AP3B1: variants seen among roughly 807,000 people sequenced by gnomAD.
AP3B1 encodes adaptor related protein complex 3 subunit beta 1, also known as AP-3 complex subunit beta-1.
AP3B1 carries 61 observed loss-of-function variants against 132.5 expected under a neutral mutation model. The ratio of observed to expected loss-of-function variants is 0.46; its 90% CI spans 0.37 to 0.57. The LOEUF (loss-of-function observed/expected upper bound fraction) is 0.57, where lower values mean the gene tolerates loss of function less well. Among genes scored for constraint, AP3B1 ranks in the 20% least tolerant of loss-of-function variants. The pLI, the probability that AP3B1 is intolerant of heterozygous loss-of-function variation, is 0.00. For missense variants in AP3B1, 1,120 were observed against 1,289.4 expected, an observed-to-expected ratio of 0.87 and a Z score of 2.01; for synonymous variants, 388 against 438.3, an observed-to-expected ratio of 0.89 and a Z score of 1.43.
intron 21 of AP3B1, among the ~76,000 whole-genome samples, chr5:78,090,323 A>G (rs538868295): frequency 4.6e-5 from 7 of 152,240 alleles, no homozygotes; most frequent in Non-Finnish European, 8.8e-5. Flanking sequence ...TTAAGTAATT[A>G]CATGTGGCTT....
At chr5:78,226,698 C>T (rs888190198) in intron 5 of AP3B1, among the ~76,000 whole-genome samples, 1 of 152,022 alleles carries the variant, frequency 6.6e-6, no homozygotes, top group African/African-American at 2.4e-5. Context: ...GTGAATACAA[C>T]ACCAGAAACA....
At chr5:78,034,005 T>C (rs1747693183) in intron 24 of AP3B1, among the ~76,000 whole-genome samples, 1 of 151,968 alleles carries the variant, frequency 6.6e-6, no homozygotes, top group Non-Finnish European at 1.5e-5. Flanking sequence ...TTTAATAATA[T>C]TATTAATGCT....
At chr5:78,031,217 G>A (rs1046837011) in intron 24 of AP3B1, among the ~76,000 whole-genome samples, 1 of 152,062 alleles carries the variant, frequency 6.6e-6, no homozygotes, top group Non-Finnish European at 1.5e-5. Flanking sequence ...TCATTACTAT[G>A]GGTCTCCTCT....
At position 78,162,853 on chromosome 5, in the gene AP3B1, G is replaced by A. The variant is rs1743442889; in HGVS notation, c.1329C>T (p.Leu443=). 2 of 1,614,056 alleles carry A rather than the reference G, an allele frequency of 1.2e-6. No homozygotes were observed. Among genetic ancestry groups the A allele is most frequent in the African/African-American group, 1.3e-5 (1 of 75,054 alleles). Residue 443 remains leucine (L), a synonymous_variant, in exon 13 of 27, where the codon CTC becomes CTT. Coordinates refer to ENST00000255194, the MANE Select transcript of AP3B1 (RefSeq NM_003664.5). ...TNILEVTDTC[L]NGLVCLLSNR... is the part of the protein sequence containing the mutation. ...TGGACAGCAGACAGACCAAGCCATT[G>A]AGGCACGTGTCAGTGACTTCCAAGA...
Position 78,062,168 on chromosome 5 carries a change from AC to A in AP3B1, c.2578-22895del, listed in dbSNP as rs199731491. ...CCTACACAGTCTCTGATTGCTATCA[AC>A]TTTCTCTGCAAAAATACCGTCATGG... On this transcript the variant is annotated intron_variant, in intron 22 of 26. Transcript: ENST00000255194. Among the ~76,000 whole-genome samples, 1,196 of 152,310 alleles carry A rather than the reference AC, an allele frequency of 7.9e-3. 8 individuals are homozygous for A. Among genetic ancestry groups the A allele is most frequent in the Middle Eastern group, 0.024 (7 of 294 alleles).
intron 22 of AP3B1, among the ~76,000 whole-genome samples, chr5:78,074,094 C>T (rs1749663115): frequency 6.6e-6 from 1 of 152,102 alleles, no homozygotes; most frequent in Non-Finnish European, 1.5e-5. Flanking sequence ...TTAGGACAAA[C>T]TGGCACATAT....
At chr5:78,244,154 G>A (rs1320403219) in intron 2 of AP3B1, among the ~76,000 whole-genome samples, 3 of 152,182 alleles carry the variant, frequency 2.0e-5, no homozygotes, top group Non-Finnish European at 4.4e-5. Context: ...GGCACTTTGG[G>A]AGGCCAAGGC....
At chr5:78,272,322 T>C (rs1748580892) in intron 1 of AP3B1, among the ~76,000 whole-genome samples, 1 of 152,212 alleles carries the variant, frequency 6.6e-6, no homozygotes, top group Non-Finnish European at 1.5e-5. Context: ...CCCAACCACC[T>C]TGGGCACAGG....
At chr5:78,255,599 A>C (rs1747815623) in intron 2 of AP3B1, among the ~76,000 whole-genome samples, 2 of 152,238 alleles carry the variant, frequency 1.3e-5, no homozygotes, top group Non-Finnish European at 2.9e-5. Context: ...ATATAAAGCA[A>C]ATATTATTAG....
intron 22 of AP3B1, among the ~76,000 whole-genome samples, chr5:78,053,629 GA>G (rs1748677349): frequency 1.4e-5 from 2 of 143,198 alleles, no homozygotes; most frequent in Non-Finnish European, 3.0e-5. Context: ...ACAGTGAGCC[GA>G]GATTGCACCA....
chr5:78,247,291 GATA>G (rs1244103540), intron 2 of AP3B1, among the ~76,000 whole-genome samples: 7 of 147,950 alleles, frequency 4.7e-5, no homozygotes, highest in Non-Finnish European at 1.0e-4. Context: ...AGATAATATA[GATA>G]ATAATATAGA....
At chr5:78,066,415 G>A (rs142072880) in intron 22 of AP3B1, among the ~76,000 whole-genome samples, 103 of 152,276 alleles carry the variant, frequency 6.8e-4, no homozygotes, top group Non-Finnish European at 2.4e-4. Context: ...GCTAAGAACC[G>A]TGATAAAACA....
intron 20 of AP3B1, among the ~76,000 whole-genome samples, chr5:78,102,540 GAAGA>G (rs1404134550): frequency 1.3e-5 from 2 of 151,980 alleles, no homozygotes; most frequent in East Asian, 1.9e-4. Flanking sequence ...GAAAAAAATA[GAAGA>G]AACATTAGTT....
intron 20 of AP3B1, among the ~76,000 whole-genome samples, chr5:78,106,468 A>C (rs1407245162): frequency 1.3e-5 from 2 of 150,690 alleles, no homozygotes; most frequent in Admixed American, 1.3e-4. Flanking sequence ...AAAAAAAAGA[A>C]AGAAAGAAAG....
At chr5:78,246,838 A>G (rs1479021757) in intron 2 of AP3B1, among the ~76,000 whole-genome samples, 1 of 151,764 alleles carries the variant, frequency 6.6e-6, no homozygotes, top group Non-Finnish European at 1.5e-5. Flanking sequence ...ACTCTACCTT[A>G]TTATTTCTTT....
intron 7 of AP3B1, among the ~76,000 whole-genome samples, chr5:78,182,518 T>C (rs534145344): frequency 5.3e-5 from 8 of 152,294 alleles, no homozygotes; most frequent in African/African-American, 1.9e-4. Flanking sequence ...GATAGGAACC[T>C]CAAGATCCAA....
At chr5:78,067,626 C>A (rs1422748842) in intron 22 of AP3B1, among the ~76,000 whole-genome samples, 11 of 152,182 alleles carry the variant, frequency 7.2e-5, no homozygotes, top group Admixed American at 7.2e-4. Context: ...CTCGAAACCA[C>A]ACAACTACAT....
intron 5 of AP3B1, 148 bp downstream of exon 5, chr5:78,227,224 C>T: frequency 1.3e-6 from 1 of 771,166 alleles, no homozygotes; most frequent in Non-Finnish European, 2.1e-6. Flanking sequence ...GGAACATTTG[C>T]AGCAGGGGGA....
intron 24 of AP3B1, among the ~76,000 whole-genome samples, chr5:78,030,595 T>A (rs1268285971): frequency 6.6e-6 from 1 of 152,204 alleles, no homozygotes; most frequent in Non-Finnish European, 1.5e-5. Context: ...CAGGACGTGA[T>A]CTTTTTCATA....
Sources: allele counts gnomAD v4.1 joint callset (sites outside exome capture counted in the v4.1 genomes callset), GRCh38; gene constraint gnomAD v4.1.1; transcripts MANE v1.5; gene names NCBI Gene and HGNC (gene_info 2026-07-23, HGNC 2026-07-21).